The following PRKN variants were observed in gnomAD, a reference collection of about 807,000 sequenced individuals.
PRKN encodes E3 ubiquitin-protein ligase parkin.
PRKN carries 56 observed loss-of-function variants against 59.5 expected under a neutral mutation model. That is an observed-to-expected ratio of 0.94 (90% CI 0.76 to 1.18). The LOEUF is 1.18. Among genes scored for constraint, PRKN ranks in the 50% most tolerant of loss-of-function variants. PRKN has a pLI of 0.00. For synonymous variants in PRKN, 250 were observed against 222.1 expected (o/e 1.13, Z -1.12); for missense variants, 657 against 596.4 (o/e 1.10, Z -1.06).
At chr6:161,744,062 T>C (rs961171106) in intron 7 of PRKN, among the ~76,000 whole-genome samples, 1 of 152,114 alleles carries the variant, frequency 6.6e-6, no homozygotes, top group African/African-American at 2.4e-5. Flanking sequence ...GCTTCAGAGA[T>C]CATAGAAGAG....
chr6:162,253,021 C>G (rs1219685608), intron 3 of PRKN, among the ~76,000 whole-genome samples: 1 of 152,234 alleles, frequency 6.6e-6, no homozygotes, highest in African/African-American at 2.4e-5. Flanking sequence ...AGCCTGCCTT[C>G]CAGCGGGCAG....
chr6:162,206,373 T>C (rs1784939588), intron 3 of PRKN, among the ~76,000 whole-genome samples: 1 of 152,142 alleles, frequency 6.6e-6, no homozygotes, highest in Non-Finnish European at 1.5e-5. Flanking sequence ...ACAGCTGGCT[T>C]GCACCAACAC....
chr6:161,850,006 T>A (rs374648253), intron 6 of PRKN, among the ~76,000 whole-genome samples: 24 of 151,984 alleles, frequency 1.6e-4, no homozygotes, highest in East Asian at 1.5e-3. Context: ...AAGCAGCCAA[T>A]ATACATTTAC....
chr6:162,432,262 T>A (rs899750891), intron 2 of PRKN, among the ~76,000 whole-genome samples: 6 of 152,150 alleles, frequency 3.9e-5, no homozygotes, highest in Non-Finnish European at 1.5e-5. Flanking sequence ...GCGCCGTGGC[T>A]CATGCCTGTA....
chr6:162,393,363 C>T (rs1443267826), intron 2 of PRKN, among the ~76,000 whole-genome samples: 1 of 151,624 alleles, frequency 6.6e-6, no homozygotes, highest in Non-Finnish European at 1.5e-5. Context: ...TTTCACCATG[C>T]TGGCTAGGAG....
intron 6 of PRKN, among the ~76,000 whole-genome samples, chr6:161,807,570 G>A (rs933379298): frequency 2.6e-5 from 4 of 152,310 alleles, no homozygotes; most frequent in South Asian, 4.1e-4. Context: ...TGAAACCTGG[G>A]AGAGGAGCCT....
At chr6:162,226,882 A>C (rs780399936) in intron 3 of PRKN, among the ~76,000 whole-genome samples, 4 of 152,180 alleles carry the variant, frequency 2.6e-5, no homozygotes, top group Admixed American at 6.5e-5. Flanking sequence ...GTTCTTCAAA[A>C]TCAGTCATGG....
chr6:161,536,416 A>C (rs573762063), intron 9 of PRKN, among the ~76,000 whole-genome samples: 8 of 150,968 alleles, frequency 5.3e-5, no homozygotes, highest in African/African-American at 2.0e-4. Context: ...ACTGGTCCAC[A>C]CTTGAAAAAA....
chr6:161,564,272 C>T (rs1025176971), intron 8 of PRKN, among the ~76,000 whole-genome samples: 2 of 152,136 alleles, frequency 1.3e-5, no homozygotes, highest in African/African-American at 4.8e-5. Flanking sequence ...AGGATATAAA[C>T]GTCCCTGACT....
intron 7 of PRKN, among the ~76,000 whole-genome samples, chr6:161,649,646 T>C (rs373946014): frequency 6.6e-6 from 1 of 152,188 alleles, no homozygotes; most frequent in Admixed American, 6.5e-5. Context: ...GTAATATATT[T>C]CAAGGCTTTT....
At chr6:161,450,015 A>T (rs946089398) in intron 9 of PRKN, among the ~76,000 whole-genome samples, 2 of 152,198 alleles carry the variant, frequency 1.3e-5, no homozygotes, top group Admixed American at 1.3e-4. Context: ...TTGGCTCCCA[A>T]GAGGTAAGGT....
At position 161,479,378 on chromosome 6, in the gene PRKN, T is replaced by C. The variant is rs186604634; in HGVS notation, c.1083+69476A>G. Among the ~76,000 whole-genome samples, 72 of 152,344 alleles carry C rather than the reference T, an allele frequency of 4.7e-4. 1 individual carries two copies. The highest frequency in any genetic ancestry group is 1.9e-4 in the Non-Finnish European group (13 of 68,026). ...AGATAAGTAATAATAAGTAGTGAGA[T>C]TCCTGATCTTACTGGTTTTTGCTTT... On this transcript the variant is annotated intron_variant, in intron 9 of 11. Transcript: ENST00000366898.
chr6:161,767,608 C>T (rs7776216), intron 7 of PRKN, among the ~76,000 whole-genome samples: 4,712 of 152,234 alleles, frequency 0.031, 256 homozygotes, highest in African/African-American at 0.11. Context: ...TTCTGATGCC[C>T]ATCTAAAGAC....
chr6:162,150,763 G>A (rs897231348), intron 4 of PRKN, among the ~76,000 whole-genome samples: 2 of 152,096 alleles, frequency 1.3e-5, no homozygotes, highest in African/African-American at 2.4e-5. Context: ...AATGTTTAAG[G>A]AACTCTGGTT....
intron 1 of PRKN, among the ~76,000 whole-genome samples, chr6:162,611,928 G>A (rs752908217): frequency 3.3e-4 from 50 of 152,216 alleles, no homozygotes; most frequent in Admixed American, 2.3e-3. Context: ...GCTCACGCCT[G>A]TAATCCCAGC....
chr6:162,217,993 C>T (rs776930570), intron 3 of PRKN, among the ~76,000 whole-genome samples: 14 of 152,168 alleles, frequency 9.2e-5, no homozygotes, highest in South Asian at 2.1e-4. Context: ...GTTTAGGGTG[C>T]GATTGAGAGG....
chr6:161,634,338 G>A (rs117237280), intron 7 of PRKN, among the ~76,000 whole-genome samples: 4,589 of 152,248 alleles, frequency 0.03, 86 homozygotes, highest in Non-Finnish European at 0.043. Flanking sequence ...AGGCTGAGTG[G>A]GACCTTTCCA....
At chr6:161,567,771 C>T (rs1267146153) in intron 8 of PRKN, among the ~76,000 whole-genome samples, 1 of 152,108 alleles carries the variant, frequency 6.6e-6, no homozygotes, top group Non-Finnish European at 1.5e-5. Flanking sequence ...TACTAATTAC[C>T]CATGGACTCT....
At chr6:161,811,507 C>T (rs1203946588) in intron 6 of PRKN, among the ~76,000 whole-genome samples, 1 of 152,102 alleles carries the variant, frequency 6.6e-6, no homozygotes, top group Non-Finnish European at 1.5e-5. Flanking sequence ...GGGGCTTGGA[C>T]AAGAGGAGAA....
Sources: gnomAD v4.1 joint callset for allele counts (sites outside exome capture counted in the v4.1 genomes callset) on GRCh38, gnomAD v4.1.1 for gene constraint, MANE v1.5 for transcripts, NCBI Gene and HGNC (gene_info 2026-07-23, HGNC 2026-07-21) for gene names.